AASDH: variants seen among roughly 807,000 people sequenced by gnomAD.
AASDH encodes the protein aminoadipate-semialdehyde dehydrogenase, also known as beta-alanine-activating enzyme.
In AASDH, 81 loss-of-function variants were observed where a neutral mutation model predicts 102.3. The observed-to-expected ratio is 0.79, with a 90% CI of 0.66 to 0.95. AASDH has a LOEUF of 0.95. Among genes scored for constraint, AASDH ranks in the 40% least tolerant of loss-of-function variants. The pLI, the probability that AASDH is intolerant of heterozygous loss-of-function variation, is 0.00. For synonymous variants in AASDH, 398 were observed against 454.0 expected (o/e 0.88, Z 1.57); for missense variants, 1,203 against 1,266.2 (o/e 0.95, Z 0.76).
rs951425456 is a variant in AASDH at position 56,349,553 on chromosome 4, T to G, written c.2198A>C (p.Asp733Ala). ...NSPVLIGKSK[D>A]PSCVAKVSEE... ...AGAAACTTTTGCAACACAGGATGGA[T>G]CTTTTGACTTCCCAATAAGAACTGG... The change falls in exon 11 of 15, where the codon GAT becomes GCT. Residue 733 changes from aspartate to alanine, a missense_variant. By Grantham distance (126) the Asp-to-Ala change is moderately radical. Transcript: ENST00000205214. 1.9e-6 allele frequency: 3 copies of G among 1,614,230 alleles called. No homozygotes were observed. The highest frequency in any genetic ancestry group is 1.7e-6 in the Non-Finnish European group (2 of 1,180,042).
chr4:56,353,328 A>T lies in AASDH; in HGVS notation c.1576+76T>A, dbSNP rs113761956. On this transcript the variant is annotated intron_variant, in intron 9 of 14. Coordinates refer to ENST00000205214, the MANE Select transcript of AASDH (RefSeq NM_181806.4). Reference sequence around the variant, plus strand: ...GTACCATTTATAAAAATAAAGATTTATGTTATCATTAAGCTAGTTATGAAT... The same window carrying T: ...GTACCATTTATAAAAATAAAGATTTTTGTTATCATTAAGCTAGTTATGAAT... 5.5e-4 allele frequency: 650 copies of T among 1,191,162 alleles called. 3 individuals carry two copies. The African/African-American group carries it at 9.2e-3, about 17-fold the overall frequency. The allele number at this position is 1,191,162 out of a possible 1,614,324, so 73.8% of individuals were successfully genotyped here.
intron 3 of AASDH, among the ~76,000 whole-genome samples, chr4:56,380,708 T>C (rs1445272434): frequency 6.6e-6 from 1 of 152,234 alleles, no homozygotes; most frequent in Non-Finnish European, 1.5e-5. Context: ...CCAATCATCC[T>C]GTCCGTAGTG....
rs1022704417 is a variant in AASDH at position 56,353,941 on chromosome 4, C to A, written c.1383+98G>T. The A allele has an allele frequency of 3.6e-6, 4 of 1,110,422 alleles. No homozygotes were observed. The African/African-American group carries it at 4.8e-5, about 13-fold the overall frequency. The allele number at this position is 1,110,422 out of a possible 1,614,324, so 68.8% of individuals were successfully genotyped here. A position where few individuals can be genotyped will look rare whatever the true frequency, so the allele number is the denominator to read the frequency against. On this transcript the variant is annotated intron_variant, in intron 8 of 14. Transcript: ENST00000205214. ...TAATTCATCACTAACACAAAAATGT[C>A]AGGTGTAAATAATAGAGACCCCAGC...
chr4:56,371,489 T>C lies in AASDH; in HGVS notation c.823A>G (p.Ser275Gly). Residue 275 changes from serine to glycine, a missense_variant, in exon 5 of 15, where the codon AGC becomes GGC. Ser to Gly is a moderately conservative substitution (Grantham distance 56). Transcript: ENST00000205214. ...SVKLLPSKLASVLFSHHRVTV... is the reference protein window; with the variant it reads ...SVKLLPSKLAGVLFSHHRVTV... Reference sequence around the variant, plus strand: ...ACTCTATGATGGGAAAAGAGAACGCTGGCTAATTTTGATGGGAGCAACTTG... The same window carrying C: ...ACTCTATGATGGGAAAAGAGAACGCCGGCTAATTTTGATGGGAGCAACTTG... 6.2e-7 allele frequency: 1 copy of C among 1,612,990 alleles called. No homozygotes were observed. Among genetic ancestry groups the C allele is most frequent in the South Asian group, 1.1e-5 (1 of 90,620 alleles).
At chr4:56,369,120 T>C (rs13148656) in intron 5 of AASDH, among the ~76,000 whole-genome samples, 54,370 of 152,022 alleles carry the variant, frequency 0.36, 10,225 homozygotes, top group Non-Finnish European at 0.43. Context: ...ATATTTGTCA[T>C]GTTCTTGGAA....
intron 3 of AASDH, among the ~76,000 whole-genome samples, chr4:56,379,219 G>A (rs1321137105): frequency 1.3e-5 from 2 of 151,972 alleles, no homozygotes; most frequent in African/African-American, 4.8e-5. Flanking sequence ...CTGCAACCTC[G>A]AACAGCTGGG....
At chr4:56,363,043 AT>A (rs1214618877) in intron 5 of AASDH, among the ~76,000 whole-genome samples, 6 of 152,314 alleles carry the variant, frequency 3.9e-5, no homozygotes, top group South Asian at 2.1e-4. Context: ...CGCTTTTCCA[AT>A]GGGCTTAACA....
chr4:56,380,946 C>T (rs964962952), intron 3 of AASDH, among the ~76,000 whole-genome samples: 3 of 152,170 alleles, frequency 2.0e-5, no homozygotes, highest in Admixed American at 6.5e-5. Flanking sequence ...ACAGTAGATG[C>T]TTAAAAATAC....
chr4:56,348,853 G>A lies in AASDH; in HGVS notation c.2488+410C>T, dbSNP rs760097594. ...CAAGCTTTCAGATGGCTATAGCCAC[G>A]TGAAAGCCCTGAGCCAGAACTGCCA... On this transcript the variant is annotated intron_variant, in intron 11 of 14. Coordinates refer to ENST00000205214, the MANE Select transcript of AASDH (RefSeq NM_181806.4). The A allele has an allele frequency of 4.5e-4, 80 of 179,230 alleles. 1 individual carries two copies. The highest frequency in any genetic ancestry group is 8.4e-4 in the Non-Finnish European group (72 of 85,762). The allele number at this position is 179,230 out of a possible 1,614,324, so 11.1% of individuals were successfully genotyped here.
chr4:56,365,309 C>A (rs149829384), intron 5 of AASDH, among the ~76,000 whole-genome samples: 4,022 of 151,918 alleles, frequency 0.026, 157 homozygotes, highest in East Asian at 0.2. Context: ...AGACAGATCA[C>A]CGAGACAGAA....
rs926013605 is a variant in AASDH at position 56,356,192 on chromosome 4, A to C, written c.862-769T>G. ...GGCTCTGGCCCCTGCTGTTGTGAAG[A>C]AGCAGGAGGACAAGAAAGTGGTGAA... On this transcript the variant is annotated intron_variant, in intron 5 of 14. Transcript: ENST00000205214. The C allele has an allele frequency of 3.1e-5, 23 of 736,974 alleles. No individual in the cohort carries two copies. In the East Asian group the frequency reaches 4.0e-4, roughly 13 times the overall value. 45.7% of individuals were successfully genotyped at this position (736,974 alleles called of 1,614,324 possible).
intron 1 of AASDH, among the ~76,000 whole-genome samples, chr4:56,384,839 C>T (rs534416814): frequency 2.6e-5 from 4 of 152,018 alleles, no homozygotes; most frequent in African/African-American, 9.7e-5. Flanking sequence ...TTCGGGAGGC[C>T]GAGGTGGGTG....
At chr4:56,363,865 G>A (rs893614892) in intron 5 of AASDH, among the ~76,000 whole-genome samples, 2 of 152,144 alleles carry the variant, frequency 1.3e-5, no homozygotes, top group Non-Finnish European at 2.9e-5. Flanking sequence ...GAACAAAGCT[G>A]GACAGAGAAT....
chr4:56,340,777 C>T (rs1227590431), intron 14 of AASDH, among the ~76,000 whole-genome samples: 3 of 152,128 alleles, frequency 2.0e-5, no homozygotes, highest in African/African-American at 4.8e-5. Flanking sequence ...AACTATTCAT[C>T]CAACAAGGGA....
Position 56,338,338 on chromosome 4 carries a change from A to C in AASDH, c.*64T>G, listed in dbSNP as rs1201925920. The C allele has an allele frequency of 6.6e-7, 1 of 1,520,332 alleles. No homozygotes were observed. The allele number at this position is 1,520,332 out of a possible 1,614,324, so 94.2% of individuals were successfully genotyped here. A position where few individuals can be genotyped will look rare whatever the true frequency, so the allele number is the denominator to read the frequency against. ...CTTTAATATAAAATAAGTCCACATG[A>C]TGTATAATGGTAAAATATTTTCAAA... is the stretch of plus-strand genomic sequence containing the variant. On this transcript the variant is annotated 3_prime_UTR_variant, in exon 15 of 15. Transcript: ENST00000205214.
chr4:56,345,679 T>C (rs1314270261), intron 11 of AASDH, among the ~76,000 whole-genome samples: 1 of 152,240 alleles, frequency 6.6e-6, no homozygotes, highest in Non-Finnish European at 1.5e-5. Flanking sequence ...ATTATTCATC[T>C]GCAGAATGTG....
chr4:56,361,870 G>T (rs1750341001), intron 5 of AASDH, among the ~76,000 whole-genome samples: 1 of 152,142 alleles, frequency 6.6e-6, no homozygotes. Context: ...TACTCAGGAG[G>T]CTGAGGTGGG....
At chr4:56,373,300 T>C (rs1751959760) in intron 4 of AASDH, among the ~76,000 whole-genome samples, 1 of 152,050 alleles carries the variant, frequency 6.6e-6, no homozygotes, top group Admixed American at 6.6e-5. Context: ...CCACCAAACC[T>C]GGCTAATTTT....
chr4:56,368,287 T>C (rs367606671), intron 5 of AASDH, among the ~76,000 whole-genome samples: 20 of 152,164 alleles, frequency 1.3e-4, no homozygotes, highest in Non-Finnish European at 2.2e-4. Context: ...TAAACTAGTT[T>C]AACCATTGTG....
Sources: gnomAD v4.1 joint callset for allele counts (sites outside exome capture counted in the v4.1 genomes callset) on GRCh38, gnomAD v4.1.1 for gene constraint, MANE v1.5 for transcripts, NCBI Gene and HGNC (gene_info 2026-07-23, HGNC 2026-07-21) for gene names.